Variants in SLC25A17 observed in about 807,000 individuals in gnomAD.
The protein encoded by SLC25A17 is peroxisomal membrane protein PMP34.
SLC25A17 carries 26 observed loss-of-function variants against 38.5 expected under a neutral mutation model. The ratio of observed to expected loss-of-function variants is 0.68; its 90% CI spans 0.50 to 0.94. The LOEUF (loss-of-function observed/expected upper bound fraction) is 0.94. SLC25A17 is among the 40% of genes least tolerant of loss of function. The probability of loss-of-function intolerance (pLI) is 0.00; values close to 1 mark genes in which losing one functional copy is unlikely to be tolerated. For synonymous variants in SLC25A17, 139 were observed against 136.2 expected, an observed-to-expected ratio of 1.02 and a Z score of -0.14; for missense variants, 333 against 372.7, an observed-to-expected ratio of 0.89 and a Z score of 0.88.
chr22:40,787,675 T>A (rs1885111624), intron 4 of SLC25A17, among the ~76,000 whole-genome samples: 1 of 152,130 alleles, frequency 6.6e-6, no homozygotes, highest in South Asian at 2.1e-4. Flanking sequence ...AGAATAGCAG[T>A]TCTTGACAGT....
At chr22:40,811,852 C>T (rs1248149358) in intron 1 of SLC25A17, among the ~76,000 whole-genome samples, 3 of 152,102 alleles carry the variant, frequency 2.0e-5, no homozygotes, top group Admixed American at 1.3e-4. Flanking sequence ...CTGGGGGTCA[C>T]ATTTCAACAT....
intron 4 of SLC25A17, chr22:40,779,374 C>A: frequency 1.1e-6 from 1 of 946,344 alleles, no homozygotes; most frequent in Non-Finnish European, 1.5e-6. Context: ...TAAGTTCCCT[C>A]ATTTGTACAA....
At position 40,777,089 on chromosome 22, in the gene SLC25A17, A is replaced by G. The variant is rs768820412; in HGVS notation, c.644T>C (p.Ile215Thr). Residue 215 changes from isoleucine to threonine, a missense_variant, in exon 7 of 9, where the codon ATT becomes ACT. Transcript: ENST00000435456. ...CAGGGGATAGGTCACCGTGGTGGCA[A>G]TCGCTTTGGCTACTGCACCAATGAT... is the stretch of plus-strand genomic sequence containing the variant. ...VFIIGAVAKA[I>T]ATTVTYPLQT... 3 of 1,614,062 alleles carry G rather than the reference A, an allele frequency of 1.9e-6. No individual in the cohort carries two copies. The highest frequency in any genetic ancestry group is 1.1e-5 in the South Asian group (1 of 91,078).
intron 8 of SLC25A17, among the ~76,000 whole-genome samples, chr22:40,773,410 CAAA>C (rs59479764): frequency 8.1e-5 from 6 of 74,338 alleles, no homozygotes; most frequent in Non-Finnish European, 5.0e-5. Flanking sequence ...ACTCTGTCTC[CAAA>C]AAAAAAAAAA....
At chr22:40,790,111 A>G (rs1602603833) in intron 4 of SLC25A17, among the ~76,000 whole-genome samples, 1 of 151,790 alleles carries the variant, frequency 6.6e-6, no homozygotes, top group African/African-American at 2.4e-5. Flanking sequence ...AGGCCGAGGC[A>G]GGCAGATCAC....
chr22:40,819,285 C>T lies in SLC25A17; in HGVS notation c.-37G>A, dbSNP rs375772298. 1.2e-6 allele frequency: 2 copies of T among 1,611,898 alleles called. No homozygotes were observed. The highest frequency in any genetic ancestry group is 3.3e-5 in the Admixed American group (2 of 60,002). ...CTCGAAGACCCAGCCACACTTTTCC[C>T]ACAGATGCCGCAGCCAGTGGAGTTA... On this transcript the variant is annotated 5_prime_UTR_variant, in exon 1 of 9. Transcript: ENST00000435456.
rs1048516033 is a variant in SLC25A17 at position 40,779,079 on chromosome 22, G to T, written c.381C>A (p.Thr127=). Reference sequence around the variant, plus strand: ...ATTTTGCTCCTTGAAGCTTCAGTCTGGTGTTTACCACCCAGAGTGGAGTTG... The same window carrying T: ...ATTTTGCTCCTTGAAGCTTCAGTCTTGTGTTTACCACCCAGAGTGGAGTTG... ...LLTTPLWVVN[T]RLKLQGAKFR... Residue 127 remains threonine (T), a synonymous_variant, in exon 5 of 9, where the codon ACC becomes ACA. Coordinates refer to ENST00000435456, the MANE Select transcript of SLC25A17 (RefSeq NM_006358.4). 6.2e-7 allele frequency: 1 copy of T among 1,614,140 alleles called. No individual in the cohort carries two copies. Among genetic ancestry groups the T allele is most frequent in the Admixed American group, 1.7e-5 (1 of 60,016 alleles).
At position 40,777,247 on chromosome 22, in the gene SLC25A17, A is replaced by G. The variant is rs756888117; in HGVS notation, c.578T>C (p.Leu193Pro). 6.2e-7 allele frequency: 1 copy of G among 1,614,112 alleles called. No homozygotes were observed. The highest frequency in any genetic ancestry group is 1.1e-5 in the South Asian group (1 of 91,084). The stretch of plus-strand genomic sequence containing the variant: ...GATTACCTTCATCCGTTTCTTTAAA[A>G]GCTGCCGTTTTAAACCTTCATAAAA... Reference protein sequence around the residue: ...FMFYEGLKRQLLKKRMKLSSL... With the variant: ...FMFYEGLKRQPLKKRMKLSSL... The change falls in exon 6 of 9, where the codon CTT becomes CCT. Residue 193 changes from leucine (L) to proline (P), a missense_variant. Coordinates refer to ENST00000435456, the MANE Select transcript of SLC25A17 (RefSeq NM_006358.4).
intron 4 of SLC25A17, among the ~76,000 whole-genome samples, chr22:40,780,553 T>C (rs1388681649): frequency 6.6e-6 from 1 of 152,226 alleles, no homozygotes; most frequent in Non-Finnish European, 1.5e-5. Context: ...GATTTTAGAA[T>C]GTATTCCTAT....
chr22:40,810,226 A>G (rs895078907), intron 1 of SLC25A17, among the ~76,000 whole-genome samples: 2 of 152,116 alleles, frequency 1.3e-5, no homozygotes, highest in Admixed American at 6.6e-5. Flanking sequence ...GGTGGTCCCT[A>G]TCTTTTAGTG....
chr22:40,800,129 CTT>C (rs1433106331), intron 1 of SLC25A17, among the ~76,000 whole-genome samples: 9 of 152,292 alleles, frequency 5.9e-5, no homozygotes, highest in African/African-American at 1.9e-4. Context: ...GGAACAATCT[CTT>C]TGCCAACAAT....
intron 1 of SLC25A17, among the ~76,000 whole-genome samples, chr22:40,816,019 T>C (rs561339089): frequency 8.6e-5 from 13 of 151,884 alleles, no homozygotes; most frequent in Non-Finnish European, 1.5e-4. Context: ...AAACCCCGTC[T>C]CTACTGAAAA....
At chr22:40,806,420 A>AT (rs1408226076) in intron 1 of SLC25A17, among the ~76,000 whole-genome samples, 2 of 152,200 alleles carry the variant, frequency 1.3e-5, no homozygotes, top group Non-Finnish European at 2.9e-5. Flanking sequence ...CGAATAAAAT[A>AT]TATATAACAA....
intron 8 of SLC25A17, among the ~76,000 whole-genome samples, chr22:40,773,508 C>T (rs1246868686): frequency 6.6e-6 from 1 of 151,194 alleles, no homozygotes; most frequent in Non-Finnish European, 1.5e-5. Context: ...GTTAGCTACT[C>T]TTACCAACAC....
intron 1 of SLC25A17, chr22:40,817,116 C>A (rs1472314442): frequency 6.6e-6 from 1 of 152,178 alleles, no homozygotes; most frequent in Non-Finnish European, 1.5e-5. Flanking sequence ...CCAACTATTT[C>A]CCCCACCACT....
intron 4 of SLC25A17, 65 bp downstream of exon 4, chr22:40,792,460 C>G: frequency 7.2e-7 from 1 of 1,398,104 alleles, no homozygotes. Flanking sequence ...GCTAAATAAC[C>G]TCTTAGAGGA....
At chr22:40,792,480 A>G (rs1015372073) in intron 4 of SLC25A17, 45 bp downstream of exon 4, 1 of 1,517,448 alleles carries the variant, frequency 6.6e-7, no homozygotes, top group Admixed American at 2.0e-5. Flanking sequence ...ATATAAAACC[A>G]CAAGGTAAAT....
intron 4 of SLC25A17, among the ~76,000 whole-genome samples, chr22:40,786,980 G>A (rs1031671152): frequency 1.3e-5 from 2 of 152,190 alleles, no homozygotes; most frequent in African/African-American, 4.8e-5. Flanking sequence ...TAACAAAAAT[G>A]TAATCTCTGC....
At chr22:40,797,438 T>C (rs2145683231) in intron 2 of SLC25A17, 1 of 516,032 alleles carries the variant, frequency 1.9e-6, no homozygotes, top group Admixed American at 2.4e-5. Context: ...GCATTGAGTA[T>C]GTGGCTCCAG....
Sources: gnomAD v4.1 joint callset for allele counts (sites outside exome capture counted in the v4.1 genomes callset) on GRCh38, gnomAD v4.1.1 for gene constraint, MANE v1.5 for transcripts, NCBI Gene and HGNC (gene_info 2026-07-23, HGNC 2026-07-21) for gene names.